Variants in VPS50 observed in about 807,000 individuals in gnomAD.
The protein encoded by VPS50 is VPS50 subunit of EARP/GARPII complex, also known as syndetin.
VPS50 carries 70 observed loss-of-function variants against 139.7 expected under a neutral mutation model. The observed-to-expected ratio is 0.50, with a 90% CI of 0.41 to 0.61. VPS50 has a LOEUF of 0.61. Ranked by LOEUF, VPS50 falls within the 20% of genes least tolerant of loss-of-function variation. The pLI, the probability that VPS50 is intolerant of heterozygous loss-of-function variation, is 0.00. For synonymous variants in VPS50, 365 were observed against 376.7 expected (o/e 0.97, Z 0.36); for missense variants, 921 against 1,133.7 (o/e 0.81, Z 2.69).
chr7:93,274,689 G>A (rs1033037860), intron 11 of VPS50, among the ~76,000 whole-genome samples: 2 of 152,076 alleles, frequency 1.3e-5, no homozygotes, highest in Non-Finnish European at 1.5e-5. Context: ...GAGTAATTTT[G>A]GCTTTCAAGT....
At chr7:93,244,627 AT>A (rs1368747718) in intron 2 of VPS50, among the ~76,000 whole-genome samples, 4 of 152,008 alleles carry the variant, frequency 2.6e-5, no homozygotes, top group East Asian at 3.9e-4. Context: ...ATTCTAAATA[AT>A]TTTTTGAGCA....
At position 93,358,666 on chromosome 7, in the gene VPS50, G is replaced by A. The variant is rs757885565; in HGVS notation, c.*230G>A. 22 of 383,782 alleles carry A rather than the reference G, an allele frequency of 5.7e-5. No individual in the cohort carries two copies. Among genetic ancestry groups the A allele is most frequent in the South Asian group, 1.2e-4 (3 of 24,452 alleles). 23.8% of individuals were successfully genotyped at this position (383,782 alleles called of 1,614,324 possible). ...TGTTGTAATCTGAAATGATGTTGCC[G>A]CCTTGTCATAACAATGGTTATGTGA... On this transcript the variant is annotated 3_prime_UTR_variant, in exon 28 of 28. Transcript: ENST00000305866.
chr7:93,312,293 A>T (rs189031292), intron 20 of VPS50, among the ~76,000 whole-genome samples: 6 of 152,314 alleles, frequency 3.9e-5, no homozygotes, highest in Admixed American at 6.5e-5. Flanking sequence ...GAACTGACTG[A>T]ACATAGTGTC....
intron 10 of VPS50, among the ~76,000 whole-genome samples, chr7:93,271,487 A>G (rs1796008570): frequency 6.6e-6 from 1 of 151,806 alleles, no homozygotes; most frequent in Admixed American, 6.6e-5. Flanking sequence ...GCCATTTCCA[A>G]GAAAAATTTC....
At chr7:93,299,828 A>C (rs1796925340) in intron 16 of VPS50, among the ~76,000 whole-genome samples, 1 of 152,152 alleles carries the variant, frequency 6.6e-6, no homozygotes, top group South Asian at 2.1e-4. Flanking sequence ...CTAAGTTTAT[A>C]TACACCCAAA....
At chr7:93,252,925 A>T (rs1316836079) in intron 3 of VPS50, 150 bp downstream of exon 3, 1 of 585,060 alleles carries the variant, frequency 1.7e-6, no homozygotes, top group African/African-American at 1.9e-5. Context: ...AACTGTCAGC[A>T]TTGTTTGGCG....
At chr7:93,337,326 G>A (rs555011633) in intron 22 of VPS50, among the ~76,000 whole-genome samples, 1 of 152,278 alleles carries the variant, frequency 6.6e-6, no homozygotes, top group South Asian at 2.1e-4. Flanking sequence ...CAGTGCATTT[G>A]TGTTGGAGGC....
chr7:93,345,797 T>C (rs1215091530), intron 23 of VPS50, among the ~76,000 whole-genome samples: 2 of 152,168 alleles, frequency 1.3e-5, no homozygotes, highest in Non-Finnish European at 2.9e-5. Flanking sequence ...CAAAAAACTC[T>C]CAATAAATTA....
chr7:93,234,623 T>C (rs1175204515), intron 1 of VPS50, among the ~76,000 whole-genome samples: 1 of 152,212 alleles, frequency 6.6e-6, no homozygotes, highest in Non-Finnish European at 1.5e-5. Context: ...CAGTTTATTA[T>C]TGGGTTAAAT....
At chr7:93,275,769 A>G (rs546251247) in intron 11 of VPS50, 19 of 162,428 alleles carry the variant, frequency 1.2e-4, no homozygotes, top group Non-Finnish European at 2.2e-4. Context: ...CATATAGGCT[A>G]GTCATGGAAG....
intron 12 of VPS50, among the ~76,000 whole-genome samples, chr7:93,282,762 G>C (rs1269389228): frequency 6.6e-6 from 1 of 152,192 alleles, no homozygotes; most frequent in African/African-American, 2.4e-5. Context: ...CTTTCTTGCT[G>C]AATGCTACAA....
intron 16 of VPS50, among the ~76,000 whole-genome samples, chr7:93,302,461 AT>A (rs1292333890): frequency 6.7e-6 from 1 of 150,174 alleles, no homozygotes; most frequent in Non-Finnish European, 1.5e-5. Flanking sequence ...TTATCCAATC[AT>A]TTTTTAATTG....
At chr7:93,236,959 TTTTTTTTTTTC>T (rs1214502411) in intron 1 of VPS50, among the ~76,000 whole-genome samples, 9 of 128,330 alleles carry the variant, frequency 7.0e-5, no homozygotes, top group Non-Finnish European at 6.7e-5. Context: ...TTTTTTTTTT[TTTTTTTTTTTC>T]GAGACAGTCT....
At chr7:93,278,611 G>T (rs997485725) in intron 12 of VPS50, among the ~76,000 whole-genome samples, 9 of 129,690 alleles carry the variant, frequency 6.9e-5, no homozygotes, top group African/African-American at 2.7e-4. Flanking sequence ...AAAAAAAAAA[G>T]CTGAGTGTAA....
chr7:93,249,868 G>A (rs995870882), intron 2 of VPS50, among the ~76,000 whole-genome samples: 7 of 152,108 alleles, frequency 4.6e-5, no homozygotes, highest in Admixed American at 3.3e-4. Context: ...GCTGCCTGTT[G>A]ATAGGCTAGT....
intron 20 of VPS50, among the ~76,000 whole-genome samples, chr7:93,315,742 TATA>T (rs766951749): frequency 2.0e-5 from 3 of 152,208 alleles, no homozygotes; most frequent in Non-Finnish European, 4.4e-5. Flanking sequence ...CTCATTTTTA[TATA>T]ATAAGGAAAT....
chr7:93,242,079 A>C (rs1202521404), intron 2 of VPS50, among the ~76,000 whole-genome samples: 1 of 151,934 alleles, frequency 6.6e-6, no homozygotes, highest in Non-Finnish European at 1.5e-5. Context: ...GGAAAAAGGT[A>C]TCTTAAAAAA....
rs140427808 is a variant in VPS50 at position 93,300,602 on chromosome 7, C to T, written c.1362-2858C>T. On this transcript the variant is annotated intron_variant, in intron 16 of 27. Transcript: ENST00000305866. ...ATTGACAGAATACAGGAAAATATCACGTTATTACTTTAATAGAGAAAATAA... is the reference window on the plus strand; with the variant it reads ...ATTGACAGAATACAGGAAAATATCATGTTATTACTTTAATAGAGAAAATAA... Among the ~76,000 whole-genome samples, 421 of 152,102 alleles carry T rather than the reference C, an allele frequency of 2.8e-3. 2 individuals are homozygous for T. Among genetic ancestry groups the T allele is most frequent in the Middle Eastern group, 0.027 (8 of 294 alleles).
chr7:93,276,074 G>A (rs1427285201), intron 11 of VPS50, 91 bp from the exon 12 acceptor site: 1 of 1,208,262 alleles, frequency 8.3e-7, no homozygotes. Flanking sequence ...ACTATTATTT[G>A]AAAAGATGTT....
Sources: allele counts gnomAD v4.1 joint callset (sites outside exome capture counted in the v4.1 genomes callset), GRCh38; gene constraint gnomAD v4.1.1; transcripts MANE v1.5; gene names NCBI Gene and HGNC (gene_info 2026-07-23, HGNC 2026-07-21).